Variants in CCDC91 observed in about 807,000 individuals in gnomAD.
CCDC91 encodes the protein coiled-coil domain containing 91.
CCDC91 carries 48 observed loss-of-function variants against 63.2 expected under a neutral mutation model. The observed-to-expected ratio is 0.76, with a 90% CI of 0.60 to 0.97. The LOEUF is 0.97. Ranked by LOEUF, CCDC91 falls within the 50% of genes least tolerant of loss-of-function variation. The probability of loss-of-function intolerance (pLI) is 0.00; values close to 1 mark genes in which losing one functional copy is unlikely to be tolerated. For missense variants in CCDC91, 500 were observed against 494.6 expected, an observed-to-expected ratio of 1.01 and a Z score of -0.10; for synonymous variants, 167 against 165.8, an observed-to-expected ratio of 1.01 and a Z score of -0.06.
intron 6 of CCDC91, among the ~76,000 whole-genome samples, chr12:28,361,740 A>G (rs1283181183): frequency 6.6e-6 from 1 of 151,524 alleles, no homozygotes; most frequent in Non-Finnish European, 1.5e-5. Flanking sequence ...TGTTTTCTCC[A>G]TTTCCCTTCT....
In CCDC91 at chr12:28,273,667, G is replaced by A. The variant is rs551019480; in HGVS notation, c.109+14225G>A. 3.3e-3 allele frequency among the ~76,000 whole-genome samples: 507 copies of A among 151,994 alleles called. 4 individuals carry two copies. Among genetic ancestry groups the A allele is most frequent in the Non-Finnish European group, 4.8e-3 (326 of 67,938 alleles). ...TGAGAAGTGTCTGTTCATATCCTTC[G>A]CCCACTTTTTGATGGGGTTGTTTGT... On this transcript the variant is annotated intron_variant, in intron 3 of 12. Coordinates refer to ENST00000536442, the MANE Select transcript of CCDC91 (RefSeq NM_018318.5).
At chr12:28,278,261 C>G (rs1051384255) in intron 3 of CCDC91, among the ~76,000 whole-genome samples, 1 of 152,004 alleles carries the variant, frequency 6.6e-6, no homozygotes, top group African/African-American at 2.4e-5. Context: ...TTCTTTCCTA[C>G]TATTCTGATC....
chr12:28,523,418 A>G (rs1221253641), intron 12 of CCDC91, among the ~76,000 whole-genome samples: 2 of 151,504 alleles, frequency 1.3e-5, no homozygotes, highest in Non-Finnish European at 2.9e-5. Context: ...TTTGTTTTCC[A>G]TTTGCCTGGT....
chr12:28,418,224 G>GC (rs1374276227), intron 8 of CCDC91, among the ~76,000 whole-genome samples: 2 of 152,004 alleles, frequency 1.3e-5, no homozygotes, highest in Non-Finnish European at 2.9e-5. Flanking sequence ...GCAGCTCTTG[G>GC]CATTGTCTGT....
intron 1 of CCDC91, among the ~76,000 whole-genome samples, chr12:28,237,513 TAGAA>T (rs1241678813): frequency 1.3e-5 from 2 of 151,204 alleles, no homozygotes; most frequent in Non-Finnish European, 2.9e-5. Flanking sequence ...GAAGATAGAG[TAGAA>T]AGAGATTTGA....
chr12:28,403,774 T>G (rs1946772698), intron 8 of CCDC91, among the ~76,000 whole-genome samples: 1 of 152,178 alleles, frequency 6.6e-6, no homozygotes, highest in South Asian at 2.1e-4. Flanking sequence ...TTTAAAGACT[T>G]GGTCCATTTA....
At chr12:28,331,965 A>G (rs1198850547) in intron 6 of CCDC91, among the ~76,000 whole-genome samples, 1 of 152,204 alleles carries the variant, frequency 6.6e-6, no homozygotes, top group Non-Finnish European at 1.5e-5. Flanking sequence ...GTAATTTTGT[A>G]GATGGGGGCT....
rs746500964 is a variant in CCDC91, at chr12:28,391,345, T to G, written c.696T>G (p.Ile232Met). The change falls in exon 8 of 13, where the codon ATT (isoleucine) becomes ATG (methionine). Residue 232 changes from isoleucine (I) to methionine (M), a missense_variant. Physicochemically the swap from Ile to Met is conservative, Grantham distance 10. Coordinates refer to ENST00000536442, the MANE Select transcript of CCDC91 (RefSeq NM_018318.5). ...QSSVKQQVEA[I>M]EKQYISAIEK... ...CAGTTAAGCAACAAGTAGAAGCTATTGAAAAACAGTACATTTCTGCAATTG... is the reference window on the plus strand; with the variant it reads ...CAGTTAAGCAACAAGTAGAAGCTATGGAAAAACAGTACATTTCTGCAATTG... 6.2e-7 allele frequency: 1 copy of G among 1,613,194 alleles called. No individual in the cohort carries two copies. The highest frequency in any genetic ancestry group is 1.1e-5 in the South Asian group (1 of 91,054).
intron 1 of CCDC91, among the ~76,000 whole-genome samples, chr12:28,248,409 A>T (rs1565669565): frequency 6.6e-6 from 1 of 152,294 alleles, no homozygotes; most frequent in East Asian, 1.9e-4. Context: ...TGTGAATGAG[A>T]TAGTCCAGGG....
intron 1 of CCDC91, among the ~76,000 whole-genome samples, chr12:28,242,011 A>C (rs938093935): frequency 4.6e-5 from 7 of 151,574 alleles, no homozygotes; most frequent in Non-Finnish European, 8.8e-5. Context: ...AAAAAAAAAA[A>C]AAAAACGAAA....
intron 12 of CCDC91, among the ~76,000 whole-genome samples, chr12:28,538,273 C>T (rs1942347763): frequency 3.6e-5 from 4 of 110,650 alleles, no homozygotes; most frequent in Non-Finnish European, 6.8e-5. Flanking sequence ...CCCCCCACAA[C>T]AGGCCCCGGT....
At chr12:28,347,578 A>G (rs1443472707) in intron 6 of CCDC91, among the ~76,000 whole-genome samples, 4 of 152,264 alleles carry the variant, frequency 2.6e-5, no homozygotes, top group African/African-American at 9.6e-5. Flanking sequence ...CAATATAGCT[A>G]CATTCACTTT....
chr12:28,327,260 G>A (rs1451186995), intron 6 of CCDC91, among the ~76,000 whole-genome samples: 1 of 152,086 alleles, frequency 6.6e-6, no homozygotes, highest in Non-Finnish European at 1.5e-5. Flanking sequence ...AAATTGAGCT[G>A]CAGACATAGA....
chr12:28,393,868 A>G (rs147157615), intron 8 of CCDC91, among the ~76,000 whole-genome samples: 1 of 152,294 alleles, frequency 6.6e-6, no homozygotes, highest in African/African-American at 2.4e-5. Context: ...TATTAAAAGG[A>G]TTCAGCCAAG....
At chr12:28,218,249 G>T (rs185557118) in intron 1 of CCDC91, among the ~76,000 whole-genome samples, 1 of 152,070 alleles carries the variant, frequency 6.6e-6, no homozygotes, top group Admixed American at 6.6e-5. Context: ...ATGCGCATTC[G>T]ACTGTTGGTC....
intron 1 of CCDC91, among the ~76,000 whole-genome samples, chr12:28,194,713 A>G (rs888653081): frequency 5.8e-4 from 88 of 151,966 alleles, no homozygotes; most frequent in African/African-American, 1.9e-3. Context: ...TGAGTGTTAC[A>G]GCTCATAGAG....
chr12:28,381,363 T>A (rs1945287131), intron 7 of CCDC91, among the ~76,000 whole-genome samples: 1 of 152,026 alleles, frequency 6.6e-6, no homozygotes, highest in East Asian at 1.9e-4. Flanking sequence ...GGGGATATAA[T>A]AATTTGCCTT....
At chr12:28,304,632 A>G (rs1938511651) in intron 3 of CCDC91, 3 of 1,264,182 alleles carry the variant, frequency 2.4e-6, no homozygotes, top group African/African-American at 1.5e-5. Context: ...TCAGGGAAAC[A>G]TGCAATTTTC....
chr12:28,306,996 T>G, intron 5 of CCDC91, 51 bp downstream of exon 5: 1 of 1,197,328 alleles, frequency 8.4e-7, no homozygotes, highest in Non-Finnish European at 1.2e-6. Context: ...ATTAGAAATT[T>G]GATATAATCT....
Sources: gnomAD v4.1 joint callset for allele counts (sites outside exome capture counted in the v4.1 genomes callset) on GRCh38, gnomAD v4.1.1 for gene constraint, MANE v1.5 for transcripts, NCBI Gene and HGNC (gene_info 2026-07-23, HGNC 2026-07-21) for gene names.